The following STX6 variants were observed in gnomAD, a reference collection of about 807,000 sequenced individuals.
STX6 encodes syntaxin-6.
A neutral mutation model predicts 38.0 loss-of-function variants in STX6; 23 were observed. The observed-to-expected ratio is 0.60, with a 90% CI of 0.43 to 0.86. STX6 has a LOEUF of 0.86. Ranked by LOEUF, STX6 falls within the 40% of genes least tolerant of loss-of-function variation. STX6 has a pLI of 0.00. For synonymous variants in STX6, 123 were observed against 107.5 expected (o/e 1.14, Z -0.89); for missense variants, 274 against 312.9 (o/e 0.88, Z 0.94).
At chr1:180,995,972 T>C (rs1655903556) in intron 3 of STX6, among the ~76,000 whole-genome samples, 1 of 152,206 alleles carries the variant, frequency 6.6e-6, no homozygotes, top group Non-Finnish European at 1.5e-5. Flanking sequence ...TTTATAAATT[T>C]ATTAAGCTAT....
chr1:180,990,055 A>G lies in STX6; in HGVS notation c.418T>C (p.Tyr140His), dbSNP rs745651621. Residue 140 changes from tyrosine to histidine, a missense_variant, in exon 5 of 8, where the codon TAT (tyrosine) becomes CAT (histidine). Transcript: ENST00000258301. ...QNWSTGTTDK[Y>H]GRLDRELQRA... Reference sequence around the variant, plus strand: ...TGGAGCTCTCGGTCCAGACGCCCATATTTATCTGTTGTTCCAGTGCTCCAG... The same window carrying G: ...TGGAGCTCTCGGTCCAGACGCCCATGTTTATCTGTTGTTCCAGTGCTCCAG... The G allele has an allele frequency of 1.9e-6, 3 of 1,614,022 alleles. No individual in the cohort carries two copies. Among genetic ancestry groups the G allele is most frequent in the Non-Finnish European group, 2.5e-6 (3 of 1,180,006 alleles).
intron 1 of STX6, among the ~76,000 whole-genome samples, chr1:181,012,912 G>A (rs1656448214): frequency 6.6e-6 from 1 of 151,996 alleles, no homozygotes; most frequent in African/African-American, 2.4e-5. Context: ...GACTTCAGGT[G>A]ATCCACCCAC....
At chr1:181,017,895 C>G (rs536734722) in intron 1 of STX6, among the ~76,000 whole-genome samples, 128 of 152,192 alleles carry the variant, frequency 8.4e-4, no homozygotes, top group African/African-American at 3.1e-3. Context: ...AGCAATTATG[C>G]TCCAGGAATA....
chr1:181,004,811 A>G (rs1295257909), intron 2 of STX6, among the ~76,000 whole-genome samples: 29 of 152,044 alleles, frequency 1.9e-4, no homozygotes, highest in Admixed American at 1.8e-3. Flanking sequence ...GCTGGTCACA[A>G]CCTAGGGCTT....
intron 1 of STX6, among the ~76,000 whole-genome samples, chr1:181,014,923 C>A (rs1656513345): frequency 6.6e-6 from 1 of 152,216 alleles, no homozygotes; most frequent in Non-Finnish European, 1.5e-5. Context: ...CCCTAACTTA[C>A]TGCTGCTTCC....
intron 4 of STX6, 104 bp from the exon 5 acceptor site, chr1:180,990,213 C>T (rs1340653125): frequency 6.9e-7 from 1 of 1,439,020 alleles, no homozygotes; most frequent in Non-Finnish European, 9.4e-7. Flanking sequence ...CATTTCTTGT[C>T]TATTTTCCCC....
intron 6 of STX6, among the ~76,000 whole-genome samples, chr1:180,987,134 A>T (rs1460154890): frequency 1.3e-5 from 2 of 152,126 alleles, no homozygotes; most frequent in Non-Finnish European, 2.9e-5. Context: ...GCCTCCAGAC[A>T]CATGGAACCT....
At chr1:181,020,817 C>G (rs1397749810) in intron 1 of STX6, among the ~76,000 whole-genome samples, 1 of 152,182 alleles carries the variant, frequency 6.6e-6, no homozygotes, top group Non-Finnish European at 1.5e-5. Flanking sequence ...AGACCAGAAG[C>G]TCCTAGGCTA....
intron 1 of STX6, among the ~76,000 whole-genome samples, chr1:181,008,094 A>G (rs1656280355): frequency 6.6e-6 from 1 of 152,244 alleles, no homozygotes; most frequent in African/African-American, 2.4e-5. Flanking sequence ...TTTTGATAGT[A>G]TACCAAAACT....
At chr1:181,009,979 G>T (rs1656345953) in intron 1 of STX6, among the ~76,000 whole-genome samples, 1 of 152,190 alleles carries the variant, frequency 6.6e-6, no homozygotes, top group African/African-American at 2.4e-5. Flanking sequence ...GATTCAGAAG[G>T]CCACGTACTA....
chr1:181,013,294 G>T (rs534920441), intron 1 of STX6, among the ~76,000 whole-genome samples: 1 of 152,126 alleles, frequency 6.6e-6, no homozygotes, highest in African/African-American at 2.4e-5. Flanking sequence ...AACAAATTGC[G>T]TAAGTGTAGC....
chr1:181,010,509 C>A (rs572659403), intron 1 of STX6, among the ~76,000 whole-genome samples: 3 of 152,198 alleles, frequency 2.0e-5, no homozygotes, highest in Admixed American at 1.3e-4. Flanking sequence ...ACTATGTTGG[C>A]CAGGCTGGTC....
At chr1:180,982,391 CA>C (rs1291986062) in intron 7 of STX6, among the ~76,000 whole-genome samples, 1 of 152,184 alleles carries the variant, frequency 6.6e-6, no homozygotes, top group Non-Finnish European at 1.5e-5. Context: ...AGCAACCTGT[CA>C]AAAGTGAAGC....
At position 180,987,150 on chromosome 1, in the gene STX6, C is replaced by G. The variant is rs558774675; in HGVS notation, c.596+1089G>C. Among the ~76,000 whole-genome samples the G allele has an allele frequency of 3.3e-5, 5 of 152,356 alleles. No individual in the cohort carries two copies. The East Asian group carries it at 9.6e-4, about 29-fold the overall frequency. On this transcript the variant is annotated intron_variant, in intron 6 of 7. Coordinates refer to ENST00000258301, the MANE Select transcript of STX6 (RefSeq NM_005819.6). ...CCTCCAGACACATGGAACCTCTCTG[C>G]TCCATGCACGTGTGCACCTCTCCAT...
intron 1 of STX6, among the ~76,000 whole-genome samples, chr1:181,015,880 C>T (rs1656541395): frequency 6.6e-6 from 1 of 152,122 alleles, no homozygotes; most frequent in Non-Finnish European, 1.5e-5. Flanking sequence ...AGGCTGGTCT[C>T]GAATTCCTGA....
At chr1:180,986,598 C>G (rs1261027753) in intron 6 of STX6, among the ~76,000 whole-genome samples, 1 of 152,152 alleles carries the variant, frequency 6.6e-6, no homozygotes. Context: ...GGTTGGAGTA[C>G]AGTGGTGCCA....
At chr1:180,985,308 T>C (rs1483108002) in intron 6 of STX6, among the ~76,000 whole-genome samples, 1 of 152,226 alleles carries the variant, frequency 6.6e-6, no homozygotes, top group Non-Finnish European at 1.5e-5. Context: ...CATTGCTACC[T>C]TCGACAACAT....
rs746851757 is a variant in STX6, at chr1:180,989,966, C to G, written c.489+18G>C. The stretch of plus-strand genomic sequence containing the variant: ...TGTTTCCCACTGGCCCGTCCTAAGT[C>G]TGGGGTCCTTGGGGTACCTGCTGCT... On this transcript the variant is annotated intron_variant, in intron 5 of 7. Coordinates refer to ENST00000258301, the MANE Select transcript of STX6 (RefSeq NM_005819.6). 1.2e-5 allele frequency: 19 copies of G among 1,613,016 alleles called. No individual in the cohort carries two copies. The highest frequency in any genetic ancestry group is 1.9e-4 in the Middle Eastern group (1 of 5,240).
intron 1 of STX6, among the ~76,000 whole-genome samples, chr1:181,019,501 G>A (rs1226527406): frequency 1.3e-5 from 2 of 152,168 alleles, no homozygotes; most frequent in African/African-American, 2.4e-5. Context: ...AGAAAGCTGC[G>A]TGGGTGAATC....
Sources: allele counts gnomAD v4.1 joint callset (sites outside exome capture counted in the v4.1 genomes callset), GRCh38; gene constraint gnomAD v4.1.1; transcripts MANE v1.5; gene names NCBI Gene and HGNC (gene_info 2026-07-23, HGNC 2026-07-21).